OBI1: variants seen among roughly 807,000 people sequenced by gnomAD.
OBI1 encodes the protein ORC ubiquitin ligase 1.
A neutral mutation model predicts 62.4 loss-of-function variants in OBI1; 59 were observed. That is an observed-to-expected ratio of 0.95 (90% CI 0.77 to 1.17). The LOEUF (loss-of-function observed/expected upper bound fraction) is 1.17, where lower values mean the gene tolerates loss of function less well. Among genes scored for constraint, OBI1 ranks in the 50% most tolerant of loss-of-function variants. OBI1 has a pLI of 0.00. For synonymous variants in OBI1, 302 were observed against 292.8 expected (o/e 1.03, Z -0.32); for missense variants, 875 against 830.9 (o/e 1.05, Z -0.65).
At chr13:78,626,135 T>C (rs755806836) in intron 5 of OBI1, among the ~76,000 whole-genome samples, 4 of 152,142 alleles carry the variant, frequency 2.6e-5, no homozygotes, top group Non-Finnish European at 4.4e-5. Flanking sequence ...GTCCCTACTA[T>C]CACCTCCTCT....
intron 1 of OBI1, among the ~76,000 whole-genome samples, chr13:78,649,098 C>T (rs896243535): frequency 3.3e-5 from 5 of 152,130 alleles, no homozygotes; most frequent in Admixed American, 2.6e-4. Flanking sequence ...CTGTTTTAGC[C>T]ATGCTAAATT....
At chr13:78,618,959 C>T (rs576635627) in intron 5 of OBI1, among the ~76,000 whole-genome samples, 1 of 152,296 alleles carries the variant, frequency 6.6e-6, no homozygotes, top group Non-Finnish European at 1.5e-5. Context: ...TGTAACTACT[C>T]TGGCATAATC....
In OBI1 at chr13:78,615,687, T is replaced by G; in HGVS notation, c.2074A>C (p.Thr692Pro). 1 of 1,614,030 alleles carries G rather than the reference T, an allele frequency of 6.2e-7. No individual in the cohort carries two copies. Among genetic ancestry groups the G allele is most frequent in the Non-Finnish European group, 8.5e-7 (1 of 1,179,914 alleles). ...LHNHLQSPWSTSFVPEKRNKN... is the reference protein window; with the variant it reads ...LHNHLQSPWSPSFVPEKRNKN... ...TTCCTCTTTTCAGGCACAAAGGAAGTAGACCAAGGAGACTGAAGGTGGTTA... is the reference window on the plus strand; with the variant it reads ...TTCCTCTTTTCAGGCACAAAGGAAGGAGACCAAGGAGACTGAAGGTGGTTA... The change falls in exon 6 of 6, where the codon ACT becomes CCT. Residue 692 changes from threonine to proline, a missense_variant. By Grantham distance (38) the Thr-to-Pro change is conservative (BLOSUM62 -1). Transcript: ENST00000282003.
At chr13:78,640,046 TATC>T (rs1472894130) in intron 3 of OBI1, among the ~76,000 whole-genome samples, 1 of 151,662 alleles carries the variant, frequency 6.6e-6, no homozygotes, top group African/African-American at 2.4e-5. Context: ...AAAAAAAAGA[TATC>T]ATCCAGAAAA....
chr13:78,646,481 G>A lies in OBI1; in HGVS notation c.73-1484C>T, dbSNP rs139744630. Among the ~76,000 whole-genome samples the A allele has an allele frequency of 5.3e-4, 80 of 152,108 alleles. 1 individual carries two copies. The East Asian group carries it at 0.015, about 29-fold the overall frequency. On this transcript the variant is annotated intron_variant, in intron 1 of 5. Transcript: ENST00000282003. ...AAATTTAAAAATACAAACAAAAACA[G>A]CACAGAAAAATGTAGTCTTATCACT...
Position 78,615,498 on chromosome 13 carries a change from A to G in OBI1, c.*82T>C. 9.8e-7 allele frequency: 1 copy of G among 1,020,408 alleles called. No homozygotes were observed. Among genetic ancestry groups the G allele is most frequent in the Non-Finnish European group, 1.4e-6 (1 of 690,290 alleles). The allele number at this position is 1,020,408 out of a possible 1,614,324, so 63.2% of individuals were successfully genotyped here. A position where few individuals can be genotyped will look rare whatever the true frequency, so the allele number is the denominator to read the frequency against. Reference sequence around the variant, plus strand: ...GATTATCAATTCCAATTTGTATAGAACTTTTATGAGGAAAAAAGGTAACTT... The same window carrying G: ...GATTATCAATTCCAATTTGTATAGAGCTTTTATGAGGAAAAAAGGTAACTT... On this transcript the variant is annotated 3_prime_UTR_variant, in exon 6 of 6. Coordinates refer to ENST00000282003, the MANE Select transcript of OBI1 (RefSeq NM_024546.4).
At chr13:78,649,615 A>G (rs1192133172) in intron 1 of OBI1, among the ~76,000 whole-genome samples, 2 of 152,196 alleles carry the variant, frequency 1.3e-5, no homozygotes, top group Admixed American at 1.3e-4. Flanking sequence ...TAAAAATGAG[A>G]CGACGGTTAG....
chr13:78,634,076 A>G (rs182137557), intron 5 of OBI1, among the ~76,000 whole-genome samples: 1,485 of 141,868 alleles, frequency 0.01, 22 homozygotes, highest in African/African-American at 0.036. Context: ...TCAAAAACAA[A>G]AAACAAAAAA....
chr13:78,626,927 A>G (rs1167895861), intron 5 of OBI1, among the ~76,000 whole-genome samples: 5 of 152,092 alleles, frequency 3.3e-5, no homozygotes, highest in East Asian at 1.9e-4. Flanking sequence ...TTAGCCGGGC[A>G]TGGTGGCGGG....
intron 5 of OBI1, among the ~76,000 whole-genome samples, chr13:78,633,712 T>C (rs1875925959): frequency 6.6e-6 from 1 of 152,176 alleles, no homozygotes; most frequent in Admixed American, 6.5e-5. Context: ...CTTAAAATAT[T>C]GAACAGACAA....
At chr13:78,653,571 T>C (rs1036394959) in intron 1 of OBI1, among the ~76,000 whole-genome samples, 5 of 152,212 alleles carry the variant, frequency 3.3e-5, no homozygotes, top group Non-Finnish European at 2.9e-5. Context: ...AAACAGTTCT[T>C]TCTTCCTTGG....
At chr13:78,643,651 G>C (rs1026759124) in intron 2 of OBI1, among the ~76,000 whole-genome samples, 1 of 152,102 alleles carries the variant, frequency 6.6e-6, no homozygotes, top group African/African-American at 2.4e-5. Context: ...AGCCGGGCGT[G>C]GTGATGCATG....
At chr13:78,617,195 G>A in intron 5 of OBI1, 73 bp from the exon 6 acceptor site, 1 of 1,179,600 alleles carries the variant, frequency 8.5e-7, no homozygotes, top group Non-Finnish European at 1.2e-6. Context: ...AGTGCAAACT[G>A]TCCCAGGCTA....
At chr13:78,631,498 T>G (rs1875848332) in intron 5 of OBI1, among the ~76,000 whole-genome samples, 2 of 152,150 alleles carry the variant, frequency 1.3e-5, no homozygotes, top group African/African-American at 2.4e-5. Context: ...ATATTACTCT[T>G]GTAAACTTAA....
chr13:78,637,814 C>T (rs1463914952), intron 4 of OBI1, among the ~76,000 whole-genome samples: 3 of 152,176 alleles, frequency 2.0e-5, no homozygotes, highest in Admixed American at 6.5e-5. Flanking sequence ...CTTCTCCTCA[C>T]CCTGGCCTTT....
At chr13:78,646,382 G>C (rs1876383095) in intron 1 of OBI1, among the ~76,000 whole-genome samples, 1 of 152,306 alleles carries the variant, frequency 6.6e-6, no homozygotes, top group Middle Eastern at 3.4e-3. Context: ...CTGCTATTAA[G>C]ATAGTGTTAA....
intron 5 of OBI1, among the ~76,000 whole-genome samples, chr13:78,625,492 G>T (rs777120671): frequency 6.6e-6 from 1 of 152,162 alleles, no homozygotes; most frequent in African/African-American, 2.4e-5. Flanking sequence ...GTGCTCAGGG[G>T]CTATGAAGAA....
intron 5 of OBI1, among the ~76,000 whole-genome samples, chr13:78,627,026 A>G (rs570188463): frequency 7.9e-5 from 12 of 152,314 alleles, no homozygotes; most frequent in South Asian, 4.1e-4. Context: ...AGATGGTGCC[A>G]CTGCACTCCA....
Position 78,644,971 on chromosome 13 carries a change from G to T in OBI1, c.99C>A (p.Asn33Lys). The stretch of plus-strand genomic sequence containing the variant: ...TACAAATCGAACAAAATACATGGTT[G>T]TTGATGCATATGACAGGCTGACGTA... ...GKVRQPVICI[N>K]NHVFCSICID... Residue 33 changes from asparagine (N) to lysine (K), a missense_variant, in exon 2 of 6, where the codon AAC becomes AAA. Coordinates refer to ENST00000282003, the MANE Select transcript of OBI1 (RefSeq NM_024546.4). 1 of 1,613,572 alleles carries T rather than the reference G, an allele frequency of 6.2e-7. No homozygotes were observed. The highest frequency in any genetic ancestry group is 8.5e-7 in the Non-Finnish European group (1 of 1,179,724).
Sources: gnomAD v4.1 joint callset for allele counts (sites outside exome capture counted in the v4.1 genomes callset) on GRCh38, gnomAD v4.1.1 for gene constraint, MANE v1.5 for transcripts, NCBI Gene and HGNC (gene_info 2026-07-23, HGNC 2026-07-21) for gene names.